The following CNTNAP2 variants were observed in gnomAD, a reference collection of about 807,000 sequenced individuals.
CNTNAP2 encodes the protein contactin-associated protein-like 2.
CNTNAP2 carries 98 observed loss-of-function variants against 155.2 expected under a neutral mutation model. That is an observed-to-expected ratio of 0.63 (90% CI 0.54 to 0.75). The LOEUF is 0.75. Ranked by LOEUF, CNTNAP2 falls within the 30% of genes least tolerant of loss-of-function variation. The pLI, the probability that CNTNAP2 is intolerant of heterozygous loss-of-function variation, is 0.00. For missense variants in CNTNAP2, 1,727 were observed against 1,688.1 expected (o/e 1.02, Z -0.40); for synonymous variants, 651 against 631.2 (o/e 1.03, Z -0.47).
chr7:148,258,903 C>T (rs1796504265), intron 20 of CNTNAP2, among the ~76,000 whole-genome samples: 1 of 151,856 alleles, frequency 6.6e-6, no homozygotes, highest in South Asian at 2.1e-4. Context: ...GGCAGCCAGG[C>T]ACGGTGGCTC....
intron 8 of CNTNAP2, among the ~76,000 whole-genome samples, chr7:147,262,488 CAGAG>C (rs903051768): frequency 1.6e-4 from 25 of 152,056 alleles, no homozygotes; most frequent in Admixed American, 8.5e-4. Context: ...CAGACACACA[CAGAG>C]GGAGGGGTAT....
At chr7:148,309,946 G>A (rs956104345) in intron 21 of CNTNAP2, among the ~76,000 whole-genome samples, 4 of 152,106 alleles carry the variant, frequency 2.6e-5, no homozygotes, top group Admixed American at 6.6e-5. Flanking sequence ...GGGCTGCTTC[G>A]AGCGGGATTA....
At chr7:147,304,655 G>A (rs1223387135) in intron 9 of CNTNAP2, among the ~76,000 whole-genome samples, 5 of 152,120 alleles carry the variant, frequency 3.3e-5, no homozygotes, top group African/African-American at 1.2e-4. Flanking sequence ...AGTGGTGAAG[G>A]CAAGAGAAAA....
intron 3 of CNTNAP2, among the ~76,000 whole-genome samples, chr7:146,955,906 C>G (rs181456480): frequency 6.6e-6 from 1 of 152,012 alleles, no homozygotes; most frequent in South Asian, 2.1e-4. Context: ...CCGCAGTAAA[C>G]GGTCACTAGT....
chr7:146,427,847 G>T (rs769602592), intron 1 of CNTNAP2, among the ~76,000 whole-genome samples: 2 of 152,114 alleles, frequency 1.3e-5, no homozygotes, highest in African/African-American at 2.4e-5. Context: ...CCATCACCAA[G>T]TATTAAGCCC....
chr7:147,989,281 C>T (rs77022803), intron 15 of CNTNAP2, among the ~76,000 whole-genome samples: 5,249 of 152,266 alleles, frequency 0.034, 147 homozygotes, highest in South Asian at 0.13. Flanking sequence ...TCACACCCAC[C>T]TGGGTCCAAA....
At chr7:148,080,656 A>G (rs532493049) in intron 15 of CNTNAP2, among the ~76,000 whole-genome samples, 1 of 152,016 alleles carries the variant, frequency 6.6e-6, no homozygotes, top group East Asian at 1.9e-4. Flanking sequence ...AGCCTGATGC[A>G]CTACCTACCT....
intron 14 of CNTNAP2, among the ~76,000 whole-genome samples, chr7:147,909,330 A>G (rs1162265625): frequency 1.3e-5 from 2 of 152,214 alleles, no homozygotes; most frequent in Non-Finnish European, 2.9e-5. Context: ...TTAAAGCTTA[A>G]ACCACAGACC....
chr7:146,331,774 A>C (rs1801191880), intron 1 of CNTNAP2, among the ~76,000 whole-genome samples: 1 of 152,200 alleles, frequency 6.6e-6, no homozygotes, highest in African/African-American at 2.4e-5. Flanking sequence ...CAATGGAAGG[A>C]GTAACAAAGA....
intron 13 of CNTNAP2, among the ~76,000 whole-genome samples, chr7:147,872,672 A>T (rs1799348370): frequency 6.6e-6 from 1 of 152,240 alleles, no homozygotes; most frequent in African/African-American, 2.4e-5. Context: ...TCAATTCATT[A>T]TACTATGAAG....
chr7:146,646,701 G>T (rs1181808803), intron 1 of CNTNAP2, among the ~76,000 whole-genome samples: 1 of 152,014 alleles, frequency 6.6e-6, no homozygotes, highest in East Asian at 1.9e-4. Context: ...AAATAGACTT[G>T]CCTGGCCAGT....
chr7:147,608,801 G>A (rs539035773), intron 12 of CNTNAP2, among the ~76,000 whole-genome samples: 2 of 152,202 alleles, frequency 1.3e-5, no homozygotes, highest in South Asian at 2.1e-4. Flanking sequence ...GGCTGAGTCC[G>A]AAAAGAGAGT....
chr7:147,999,409 C>G (rs1801860991), intron 15 of CNTNAP2, among the ~76,000 whole-genome samples: 1 of 152,114 alleles, frequency 6.6e-6, no homozygotes, highest in Admixed American at 6.6e-5. Context: ...CTTTTAAAAG[C>G]TACTCATTTT....
chr7:147,421,899 C>A (rs1423664916), intron 10 of CNTNAP2, among the ~76,000 whole-genome samples: 1 of 151,918 alleles, frequency 6.6e-6, no homozygotes, highest in African/African-American at 2.4e-5. Flanking sequence ...TGCTTGCTCC[C>A]TCTTGGCCTT....
intron 1 of CNTNAP2, among the ~76,000 whole-genome samples, chr7:146,215,470 C>G (rs17169989): frequency 6.6e-6 from 1 of 151,870 alleles, no homozygotes; most frequent in Non-Finnish European, 1.5e-5. Context: ...AGCTAAAAAT[C>G]GTTATGTGAT....
At chr7:147,165,366 A>G (rs1257450919) in intron 8 of CNTNAP2, among the ~76,000 whole-genome samples, 1 of 150,814 alleles carries the variant, frequency 6.6e-6, no homozygotes, top group Non-Finnish European at 1.5e-5. Context: ...TTTTCTGGCT[A>G]ATTTGTTTGA....
In CNTNAP2 at chr7:147,903,050, C is replaced by T. The variant is rs189649617; in HGVS notation, c.2099-515C>T. 2.6e-5 allele frequency among the ~76,000 whole-genome samples: 4 copies of T among 152,180 alleles called. No individual in the cohort carries two copies. In the East Asian group the frequency reaches 7.7e-4, roughly 29 times the overall value. On this transcript the variant is annotated intron_variant, in intron 13 of 23. Coordinates refer to ENST00000361727, the MANE Select transcript of CNTNAP2 (RefSeq NM_014141.6). ...CTTTTAGTTCTTTAAGGAATCTCCA[C>T]GCTGTTTTCCATAGTGGTTGTACTA...
chr7:147,667,753 A>G (rs574940819), intron 13 of CNTNAP2, among the ~76,000 whole-genome samples: 39 of 151,972 alleles, frequency 2.6e-4, no homozygotes, highest in African/African-American at 9.2e-4. Flanking sequence ...GCACTTTTTA[A>G]GGCCTATTAC....
intron 13 of CNTNAP2, among the ~76,000 whole-genome samples, chr7:147,760,378 C>T (rs929703745): frequency 6.6e-6 from 1 of 152,134 alleles, no homozygotes; most frequent in Non-Finnish European, 1.5e-5. Context: ...GCTCCCTCTT[C>T]TGCTCTCAGC....
Sources: gnomAD v4.1 joint callset for allele counts (sites outside exome capture counted in the v4.1 genomes callset) on GRCh38, gnomAD v4.1.1 for gene constraint, MANE v1.5 for transcripts, NCBI Gene and HGNC (gene_info 2026-07-23, HGNC 2026-07-21) for gene names.